Variants in CD99 observed in about 807,000 individuals in gnomAD.
CD99 encodes the protein CD99 antigen.
CD99 carries 19 observed loss-of-function variants against 28.4 expected under a neutral mutation model. The ratio of observed to expected loss-of-function variants is 0.67; its 90% CI spans 0.47 to 0.98. The LOEUF (loss-of-function observed/expected upper bound fraction) is 0.98, where lower values mean the gene tolerates loss of function less well. Ranked by LOEUF, CD99 falls within the 50% of genes least tolerant of loss-of-function variation. The pLI is 0.00. For synonymous variants in CD99, 103 were observed against 92.1 expected (o/e 1.12, Z -0.67); for missense variants, 283 against 248.8 (o/e 1.14, Z -0.92).
At chrX:2,736,766 A>G (rs999884009) in intron 8 of CD99, among the ~76,000 whole-genome samples, 2 of 152,018 alleles carry the variant, frequency 1.3e-5, no homozygotes, top group Non-Finnish European at 2.9e-5. Flanking sequence ...CTGAGGCAGG[A>G]GAATTGCTTG....
chrX:2,703,714 C>T (rs1166614289), intron 1 of CD99, among the ~76,000 whole-genome samples: 3 of 150,710 alleles, frequency 2.0e-5, no homozygotes, highest in African/African-American at 7.4e-5. Context: ...TTGGGACCGG[C>T]GGAGGGGTTA....
At chrX:2,715,956 G>C (rs1389547809) in intron 2 of CD99, among the ~76,000 whole-genome samples, 1 of 151,768 alleles carries the variant, frequency 6.6e-6, no homozygotes, top group Non-Finnish European at 1.5e-5. Context: ...ATCACCTATT[G>C]AGGTTTGGGG....
chrX:2,706,382 CAAAA>C (rs999036690), intron 1 of CD99, among the ~76,000 whole-genome samples: 16 of 152,188 alleles, frequency 1.1e-4, no homozygotes, highest in African/African-American at 2.9e-4. Flanking sequence ...AAACAAAAAA[CAAAA>C]AACGCTTTGC....
At chrX:2,698,177 C>G (rs866555798) in intron 1 of CD99, among the ~76,000 whole-genome samples, 2 of 148,458 alleles carry the variant, frequency 1.3e-5, no homozygotes, top group South Asian at 2.1e-4. Context: ...CTTTTTTTTT[C>G]TTTGTTTCTT....
Position 2,691,355 on chromosome X carries a change from C to A in CD99, c.-6C>A. The A allele has an allele frequency of 6.4e-7, 1 of 1,564,444 alleles. No homozygotes were observed. The highest frequency in any genetic ancestry group is 8.6e-7 in the Non-Finnish European group (1 of 1,165,586). On this transcript the variant is annotated 5_prime_UTR_variant, in exon 1 of 10. Transcript: ENST00000381192. ...CGGGACCGTCCCTGCGCGCTCTGGG[C>A]GCACCATGGCCCGCGGGGCTGCGCT...
intron 2 of CD99, among the ~76,000 whole-genome samples, chrX:2,715,892 A>G (rs1474439533): frequency 1.3e-5 from 2 of 152,078 alleles, no homozygotes; most frequent in Admixed American, 6.6e-5. Flanking sequence ...ATCCTAATCT[A>G]TTATAACCTC....
chrX:2,712,705 A>G (rs913225846), intron 1 of CD99, among the ~76,000 whole-genome samples: 2 of 152,100 alleles, frequency 1.3e-5, no homozygotes, highest in African/African-American at 4.8e-5. Flanking sequence ...GGGCCCACAG[A>G]GCTGTTCCGA....
intron 8 of CD99, 51 bp downstream of exon 8, chrX:2,726,424 A>G (rs1295505554): frequency 8.3e-7 from 1 of 1,198,338 alleles, no homozygotes; most frequent in Admixed American, 1.7e-5. Context: ...TGATTGGAAA[A>G]CTGTGCTTTC....
intron 1 of CD99, among the ~76,000 whole-genome samples, chrX:2,711,412 T>TTATA (rs755577680): frequency 4.2e-4 from 36 of 86,370 alleles, no homozygotes; most frequent in Non-Finnish European, 7.2e-4. Flanking sequence ...TGTGTGTGTA[T>TTATA]TATATATATA....
At chrX:2,725,487 AAGG>A (rs1472991644) in intron 7 of CD99, among the ~76,000 whole-genome samples, 1 of 152,214 alleles carries the variant, frequency 6.6e-6, no homozygotes, top group Non-Finnish European at 1.5e-5. Context: ...AGGGGTGAAA[AAGG>A]AGCATTCTAA....
At chrX:2,703,865 A>C (rs1210759780) in intron 1 of CD99, among the ~76,000 whole-genome samples, 3 of 151,980 alleles carry the variant, frequency 2.0e-5, no homozygotes, top group African/African-American at 7.3e-5. Flanking sequence ...TTGGGGGGTG[A>C]TCACTCAGTT....
chrX:2,712,080 A>G (rs2048435055), intron 1 of CD99, among the ~76,000 whole-genome samples: 1 of 152,146 alleles, frequency 6.6e-6, no homozygotes, highest in African/African-American at 2.4e-5. Context: ...AACAACATGG[A>G]TGGAACTGGA....
In CD99 at chrX:2,740,904, G is replaced by C; in HGVS notation, c.*100G>C. On this transcript the variant is annotated 3_prime_UTR_variant, in exon 10 of 10. Transcript: ENST00000381192. ...CACCTGCCTGAGAGCAGAGATGGAG[G>C]CCTTCTGTTCACGGCGGATTCTTTG... 1 of 1,274,046 alleles carries C rather than the reference G, an allele frequency of 7.8e-7. No individual in the cohort carries two copies. Among genetic ancestry groups the C allele is most frequent in the Non-Finnish European group, 1.1e-6 (1 of 870,096 alleles). The allele number at this position is 1,274,046 out of a possible 1,614,324, so 78.9% of individuals were successfully genotyped here. A position where few individuals can be genotyped will look rare whatever the true frequency, so the allele number is the denominator to read the frequency against.
chrX:2,692,841 G>A (rs922959862), intron 1 of CD99, among the ~76,000 whole-genome samples: 2 of 152,118 alleles, frequency 1.3e-5, no homozygotes, highest in Non-Finnish European at 2.9e-5. Context: ...TGTGGGCTTG[G>A]GGTCAGGGAA....
intron 5 of CD99, among the ~76,000 whole-genome samples, chrX:2,721,928 CGTATATGA>C (rs2124102475): frequency 6.6e-6 from 1 of 152,200 alleles, no homozygotes; most frequent in Non-Finnish European, 1.5e-5. Flanking sequence ...TTTAGATCAA[CGTATATGA>C]GTACTTTCGT....
intron 6 of CD99, 111 bp from the exon 7 acceptor site, chrX:2,723,201 CAT>C: frequency 2.8e-6 from 3 of 1,055,004 alleles, no homozygotes; most frequent in Non-Finnish European, 3.0e-6. Context: ...AGCTGGGTAA[CAT>C]GTACCCCCGT....
intron 3 of CD99, among the ~76,000 whole-genome samples, chrX:2,718,562 G>T (rs2048849942): frequency 6.6e-6 from 1 of 151,714 alleles, no homozygotes; most frequent in Non-Finnish European, 1.5e-5. Context: ...GTAGAGACGG[G>T]GTTTCACCAT....
At chrX:2,698,929 A>AT (rs763616203) in intron 1 of CD99, among the ~76,000 whole-genome samples, 1,463 of 136,446 alleles carry the variant, frequency 0.011, 27 homozygotes, top group East Asian at 0.1. Context: ...AGGTGTTTTA[A>AT]TTTTTTTTTT....
At chrX:2,701,372 C>T (rs1457619397) in intron 1 of CD99, among the ~76,000 whole-genome samples, 2 of 152,166 alleles carry the variant, frequency 1.3e-5, no homozygotes, top group Non-Finnish European at 1.5e-5. Flanking sequence ...TGCTGTGGTC[C>T]CTGTTTTTTG....
Sources: gnomAD v4.1 joint callset for allele counts (sites outside exome capture counted in the v4.1 genomes callset) on GRCh38, gnomAD v4.1.1 for gene constraint, MANE v1.5 for transcripts, NCBI Gene and HGNC (gene_info 2026-07-23, HGNC 2026-07-21) for gene names.